The following GYS2 variants were observed in gnomAD, a reference collection of about 807,000 sequenced individuals.
GYS2 encodes the protein glycogen synthase 2.
Under a neutral mutation model 85.6 loss-of-function variants are expected in GYS2, and 80 were observed. The ratio of observed to expected loss-of-function variants is 0.93; its 90% CI spans 0.78 to 1.13. GYS2 has a LOEUF of 1.13. Ranked by LOEUF, GYS2 falls within the 50% of genes most tolerant of loss-of-function variation. The probability of loss-of-function intolerance (pLI) is 0.00; values close to 1 mark genes in which losing one functional copy is unlikely to be tolerated. For synonymous variants in GYS2, 328 were observed against 300.7 expected, an observed-to-expected ratio of 1.09 and a Z score of -0.94; for missense variants, 881 against 854.9, an observed-to-expected ratio of 1.03 and a Z score of -0.38.
chr12:21,558,915 C>T (rs1351709273), intron 10 of GYS2, among the ~76,000 whole-genome samples, 176 bp downstream of exon 10: 2 of 152,022 alleles, frequency 1.3e-5, no homozygotes, highest in African/African-American at 2.4e-5. Context: ...TAAAGGAGCT[C>T]TTAAAACCAC....
intron 11 of GYS2, among the ~76,000 whole-genome samples, chr12:21,547,766 G>A (rs1015777444): frequency 1.3e-5 from 2 of 152,098 alleles, no homozygotes; most frequent in African/African-American, 4.8e-5. Flanking sequence ...GATCTTGGGT[G>A]GTAATTATGT....
At chr12:21,590,428 A>G (rs1387841200) in intron 1 of GYS2, among the ~76,000 whole-genome samples, 2 of 152,082 alleles carry the variant, frequency 1.3e-5, no homozygotes, top group African/African-American at 2.4e-5. Context: ...GGCCTACCCA[A>G]TCTGCCACTG....
chr12:21,538,483 G>A (rs1943935433), intron 15 of GYS2, among the ~76,000 whole-genome samples: 1 of 152,180 alleles, frequency 6.6e-6, no homozygotes, highest in Non-Finnish European at 1.5e-5. Flanking sequence ...ATTCCTTGCA[G>A]GGAGCATGAA....
intron 10 of GYS2, 127 bp downstream of exon 10, chr12:21,558,964 T>C (rs1944217473): frequency 1.6e-6 from 1 of 609,602 alleles, no homozygotes; most frequent in African/African-American, 1.9e-5. Context: ...TAAGTGACTA[T>C]GTAAGAATGT....
intron 11 of GYS2, among the ~76,000 whole-genome samples, chr12:21,550,048 T>C (rs1002488245): frequency 1.8e-4 from 27 of 152,304 alleles, no homozygotes; most frequent in African/African-American, 6.5e-4. Flanking sequence ...TGTCCATGAT[T>C]TGGCCAGTGG....
At chr12:21,556,102 C>A (rs569774460) in intron 11 of GYS2, among the ~76,000 whole-genome samples, 1 of 152,240 alleles carries the variant, frequency 6.6e-6, no homozygotes, top group South Asian at 2.1e-4. Context: ...TTTTCTTCCT[C>A]TAATTTTCTC....
chr12:21,594,151 T>C (rs2136930474), intron 1 of GYS2, among the ~76,000 whole-genome samples: 1 of 152,236 alleles, frequency 6.6e-6, no homozygotes, highest in African/African-American at 2.4e-5. Context: ...TCATACTGAA[T>C]TGGGAAAAGC....
In GYS2 at chr12:21,568,999, T is replaced by C. The variant is rs1323007875; in HGVS notation, c.689A>G (p.Asp230Gly). 3.1e-6 allele frequency: 5 copies of C among 1,614,036 alleles called. No individual in the cohort carries two copies. The Admixed American group carries it at 8.3e-5, about 27-fold the overall frequency. ...AATCTGCCTTTCCCCAGCCTCTTTGTCAATGTTAAACTGTTAGAAACAAAA... is the reference window on the plus strand; with the variant it reads ...AATCTGCCTTTCCCCAGCCTCTTTGCCAATGTTAAACTGTTAGAAACAAAA... ...FYNHLDKFNIDKEAGERQIYH... is the reference protein window; with the variant it reads ...FYNHLDKFNIGKEAGERQIYH... Residue 230 changes from aspartate (D) to glycine (G), a missense_variant, in exon 5 of 16, where the codon GAC (aspartate) becomes GGC (glycine). Coordinates refer to ENST00000261195, the MANE Select transcript of GYS2 (RefSeq NM_021957.4).
intron 1 of GYS2, among the ~76,000 whole-genome samples, chr12:21,581,331 G>C (rs928764560): frequency 6.6e-6 from 1 of 152,136 alleles, no homozygotes; most frequent in African/African-American, 2.4e-5. Context: ...CCCTGACCTG[G>C]CCAGTTATGT....
chr12:21,568,543 C>T (rs1565602898), intron 5 of GYS2, among the ~76,000 whole-genome samples: 1 of 152,204 alleles, frequency 6.6e-6, no homozygotes. Context: ...TCTTGGCTTT[C>T]ATTTTCTCAA....
chr12:21,578,508 A>G (rs901235395), intron 2 of GYS2, among the ~76,000 whole-genome samples: 2 of 152,202 alleles, frequency 1.3e-5, no homozygotes, highest in African/African-American at 4.8e-5. Flanking sequence ...CTATAAAGTC[A>G]TGACTACATC....
chr12:21,571,437 A>T (rs1944383733), intron 4 of GYS2, among the ~76,000 whole-genome samples: 1 of 152,304 alleles, frequency 6.6e-6, no homozygotes, highest in Middle Eastern at 3.4e-3. Flanking sequence ...TTTTTTATTG[A>T]ATTCTGGATA....
chr12:21,557,196 T>A (rs927173647), intron 11 of GYS2, among the ~76,000 whole-genome samples: 2 of 152,246 alleles, frequency 1.3e-5, no homozygotes, highest in Non-Finnish European at 2.9e-5. Flanking sequence ...AGATTCATTG[T>A]GGCTATTTGA....
rs143896656 is a variant in GYS2 at position 21,592,129 on chromosome 12, A to G, written c.122-11606T>C. On this transcript the variant is annotated intron_variant, in intron 1 of 15. Transcript: ENST00000261195. ...CACTACAGAAAATCACCAAACCACA[A>G]TCATAAATAATAAGAAAGAAAGAAA... Among the ~76,000 whole-genome samples the G allele has an allele frequency of 6.6e-5, 10 of 151,148 alleles. No individual in the cohort carries two copies. In the East Asian group the frequency reaches 1.7e-3, roughly 26 times the overall value.
chr12:21,537,485 G>C (rs370778928), intron 15 of GYS2: 55 of 348,228 alleles, frequency 1.6e-4, no homozygotes, highest in African/African-American at 1.2e-3. Context: ...GGTTAGAGGG[G>C]TCAAGTAACT....
At chr12:21,565,729 C>T (rs935547002) in intron 5 of GYS2, among the ~76,000 whole-genome samples, 2 of 151,612 alleles carry the variant, frequency 1.3e-5, no homozygotes, top group Non-Finnish European at 2.9e-5. Context: ...GAAAAATCTC[C>T]TTTTCACTTC....
intron 11 of GYS2, among the ~76,000 whole-genome samples, chr12:21,549,610 TG>T (rs773534602): frequency 4.6e-5 from 7 of 152,230 alleles, no homozygotes; most frequent in Non-Finnish European, 7.3e-5. Flanking sequence ...TGGGCTTTTT[TG>T]GCTTTTCTGA....
rs1222484633 is a variant in GYS2, at chr12:21,575,920, T to A, written c.441A>T (p.Arg147=). 1 of 1,613,910 alleles carries A rather than the reference T, an allele frequency of 6.2e-7. No individual in the cohort carries two copies. The highest frequency in any genetic ancestry group is 8.5e-7 in the Non-Finnish European group (1 of 1,179,834). Residue 147 remains arginine, a synonymous_variant, in exon 3 of 16, where the codon CGA becomes CGT. Transcript: ENST00000261195. ...ACSVGIPYHD[R]EANDMLIFGS... is the part of the protein sequence containing the mutation. ...CAAATATCAGCATATCATTGGCTTC[T>A]CGGTCATGATAAGGAATGCCGACAC...
At chr12:21,594,093 C>T (rs1944669422) in intron 1 of GYS2, among the ~76,000 whole-genome samples, 1 of 152,052 alleles carries the variant, frequency 6.6e-6, no homozygotes, top group Non-Finnish European at 1.5e-5. Context: ...ATAGAAGGAA[C>T]ATATCTCAAT....
Sources: allele counts gnomAD v4.1 joint callset (sites outside exome capture counted in the v4.1 genomes callset), GRCh38; gene constraint gnomAD v4.1.1; transcripts MANE v1.5; gene names NCBI Gene and HGNC (gene_info 2026-07-23, HGNC 2026-07-21).